Variants in FBN2 observed in about 807,000 individuals in gnomAD.
FBN2 encodes the protein fibrillin 2.
A neutral mutation model predicts 355.6 loss-of-function variants in FBN2; 105 were observed. The ratio of observed to expected loss-of-function variants is 0.30; its 90% confidence interval spans 0.25 to 0.35. The LOEUF (loss-of-function observed/expected upper bound fraction) is 0.35, where lower values mean the gene tolerates loss of function less well. Ranked by LOEUF, FBN2 falls within the 10% of genes least tolerant of loss-of-function variation. FBN2 has a pLI of 1.00. For missense variants in FBN2, 3,280 were observed against 3,758.7 expected, an observed-to-expected ratio of 0.87 and a Z score of 3.33; for synonymous variants, 1,350 against 1,301.2, an observed-to-expected ratio of 1.04 and a Z score of -0.81.
chr5:128,498,719 T>C (rs1454978124), intron 5 of FBN2, among the ~76,000 whole-genome samples: 1 of 152,196 alleles, frequency 6.6e-6, no homozygotes, highest in Non-Finnish European at 1.5e-5. Flanking sequence ...CAGTAATTAT[T>C]CTAAAAAGAG....
At chr5:128,450,924 T>C (rs1244058243) in intron 6 of FBN2, among the ~76,000 whole-genome samples, 1 of 152,036 alleles carries the variant, frequency 6.6e-6, no homozygotes, top group Non-Finnish European at 1.5e-5. Context: ...ATACAGAAAA[T>C]AGAAAATTAA....
chr5:128,387,117 G>T (rs331073), intron 11 of FBN2, among the ~76,000 whole-genome samples: 25,494 of 152,064 alleles, frequency 0.17, 2,420 homozygotes, highest in Non-Finnish European at 0.22. Context: ...TTCAATTTCA[G>T]AACTCATTTT....
chr5:128,474,728 T>C (rs1388833605), intron 5 of FBN2, among the ~76,000 whole-genome samples: 1 of 152,200 alleles, frequency 6.6e-6, no homozygotes, highest in African/African-American at 2.4e-5. Context: ...AAATAACACC[T>C]TTCCGAGGAA....
At chr5:128,478,621 T>C (rs925173244) in intron 5 of FBN2, among the ~76,000 whole-genome samples, 1 of 152,206 alleles carries the variant, frequency 6.6e-6, no homozygotes, top group African/African-American at 2.4e-5. Context: ...ATGAATCTGA[T>C]ATGTCAAGGT....
intron 5 of FBN2, among the ~76,000 whole-genome samples, chr5:128,485,029 CT>C (rs60338249): frequency 4.5e-4 from 67 of 149,206 alleles, no homozygotes; most frequent in Admixed American, 1.4e-3. Context: ...CACAAGGAAA[CT>C]TTTTTTTTTT....
chr5:128,321,333 T>G (rs1159008953), intron 34 of FBN2, among the ~76,000 whole-genome samples: 2 of 152,234 alleles, frequency 1.3e-5, no homozygotes, highest in Non-Finnish European at 2.9e-5. Flanking sequence ...CTGGGATACA[T>G]GTACAGAATG....
At chr5:128,481,180 G>GA (rs35188139) in intron 5 of FBN2, among the ~76,000 whole-genome samples, 2,002 of 149,564 alleles carry the variant, frequency 0.013, 19 homozygotes, top group Middle Eastern at 0.024. Context: ...TTTACTCAGG[G>GA]AAAAAAAAAA....
chr5:128,316,213 T>A (rs1433764894), intron 36 of FBN2, among the ~76,000 whole-genome samples: 1 of 152,220 alleles, frequency 6.6e-6, no homozygotes, highest in Non-Finnish European at 1.5e-5. Flanking sequence ...TGACATTTTA[T>A]TTCACTAATG....
intron 5 of FBN2, among the ~76,000 whole-genome samples, chr5:128,501,418 G>A (rs1023487917): frequency 6.6e-6 from 1 of 151,930 alleles, no homozygotes; most frequent in African/African-American, 2.4e-5. Context: ...ATTCTGAAAG[G>A]GAGAAAAGAA....
intron 16 of FBN2, among the ~76,000 whole-genome samples, chr5:128,367,022 T>C (rs1411642583): frequency 6.6e-6 from 1 of 152,188 alleles, no homozygotes; most frequent in Non-Finnish European, 1.5e-5. Flanking sequence ...TAATAGGCCA[T>C]TTAATATTGT....
intron 56 of FBN2, 34 bp downstream of exon 56, chr5:128,280,158 C>T: frequency 6.3e-7 from 1 of 1,588,460 alleles, no homozygotes; most frequent in Non-Finnish European, 8.6e-7. Flanking sequence ...GATGTTTTAT[C>T]TACCAAGTAT....
At chr5:128,318,108 C>T (rs1239101223) in intron 36 of FBN2, 41 bp downstream of exon 36, 16 of 1,604,562 alleles carry the variant, frequency 1.0e-5, no homozygotes, top group Non-Finnish European at 1.4e-5. Context: ...GAATATTCAA[C>T]TTGATAATTC....
rs760469399 is a variant in FBN2, at chr5:128,289,951, C to T, written c.6446-4G>A. 6.3e-7 allele frequency: 1 copy of T among 1,579,600 alleles called. No homozygotes were observed. Among genetic ancestry groups the T allele is most frequent in the Non-Finnish European group, 8.7e-7 (1 of 1,149,140 alleles). ...GGACACAAATCCTGAAATGCAACTA[C>T]AAAGAAAAATACAAATTCTCCATTA... On this transcript the variant is annotated splice_polypyrimidine_tract_variant and splice_region_variant and intron_variant, in intron 50 of 64. Coordinates refer to ENST00000262464, the MANE Select transcript of FBN2 (RefSeq NM_001999.4).
At chr5:128,295,775 T>C (rs1477968451) in intron 48 of FBN2, among the ~76,000 whole-genome samples, 1 of 136,142 alleles carries the variant, frequency 7.3e-6, no homozygotes, top group Non-Finnish European at 1.5e-5. Context: ...AATCATGTCG[T>C]CTGCAAACAG....
chr5:128,526,430 C>T (rs956946149), intron 4 of FBN2, among the ~76,000 whole-genome samples: 2 of 151,958 alleles, frequency 1.3e-5, no homozygotes, highest in African/African-American at 2.4e-5. Context: ...AGCAAGGGCC[C>T]AAACAGCTAT....
chr5:128,517,442 T>C (rs1191635174), intron 5 of FBN2, among the ~76,000 whole-genome samples: 2 of 152,204 alleles, frequency 1.3e-5, no homozygotes, highest in Non-Finnish European at 2.9e-5. Context: ...TATCTTTTTA[T>C]GCTAACGTTT....
intron 25 of FBN2, among the ~76,000 whole-genome samples, chr5:128,343,987 T>C (rs752572278): frequency 3.9e-5 from 6 of 152,148 alleles, no homozygotes; most frequent in Admixed American, 1.3e-4. Flanking sequence ...TCCCAGCACT[T>C]GGGGAGGCCA....
At chr5:128,537,229 G>T in intron 1 of FBN2, 121 bp downstream of exon 1, 2 of 1,460,720 alleles carry the variant, frequency 1.4e-6, no homozygotes, top group Non-Finnish European at 1.8e-6. Flanking sequence ...TGGCAAAGGG[G>T]GCTGCAGCTC....
chr5:128,329,857 A>G (rs1186025751), intron 33 of FBN2, among the ~76,000 whole-genome samples: 1 of 152,192 alleles, frequency 6.6e-6, no homozygotes, highest in Non-Finnish European at 1.5e-5. Context: ...AAGAGTATTC[A>G]ACTTTACGTC....
Sources: gnomAD v4.1 joint callset for allele counts (sites outside exome capture counted in the v4.1 genomes callset) on GRCh38, gnomAD v4.1.1 for gene constraint, MANE v1.5 for transcripts, NCBI Gene and HGNC (gene_info 2026-07-23, HGNC 2026-07-21) for gene names.